The following CNTN1 variants were observed in gnomAD, a reference collection of about 807,000 sequenced individuals.
The protein encoded by CNTN1 is contactin 1.
In CNTN1, 38 loss-of-function variants were observed where a neutral mutation model predicts 126.4. That is an observed-to-expected ratio of 0.30 (90% CI 0.23 to 0.39). The LOEUF (loss-of-function observed/expected upper bound fraction) is 0.39, where lower values mean the gene tolerates loss of function less well. Ranked by LOEUF, CNTN1 falls within the 10% of genes least tolerant of loss-of-function variation. The pLI, the probability that CNTN1 is intolerant of heterozygous loss-of-function variation, is 1.00. For synonymous variants in CNTN1, 413 were observed against 422.6 expected (o/e 0.98, Z 0.28); for missense variants, 1,009 against 1,248.4 (o/e 0.81, Z 2.89).
chr12:41,042,464 G>A (rs1949437810), intron 23 of CNTN1, among the ~76,000 whole-genome samples: 3 of 151,848 alleles, frequency 2.0e-5, no homozygotes, highest in African/African-American at 2.4e-5. Flanking sequence ...TCAATTCCTG[G>A]GTATCCTTGT....
At chr12:41,024,962 C>T (rs1171703422) in intron 20 of CNTN1, among the ~76,000 whole-genome samples, 188 bp from the exon 21 acceptor site, 1 of 151,940 alleles carries the variant, frequency 6.6e-6, no homozygotes, top group Admixed American at 6.6e-5. Flanking sequence ...CTTTTGGCAT[C>T]TTTAGTCATT....
At chr12:41,017,142 T>C (rs1387591500) in intron 19 of CNTN1, among the ~76,000 whole-genome samples, 2 of 152,210 alleles carry the variant, frequency 1.3e-5, no homozygotes, top group African/African-American at 2.4e-5. Flanking sequence ...GCCCATGGTA[T>C]GAGGAAATCC....
intron 1 of CNTN1, among the ~76,000 whole-genome samples, chr12:40,740,274 T>G (rs889351714): frequency 6.6e-6 from 1 of 152,058 alleles, no homozygotes; most frequent in African/African-American, 2.4e-5. Flanking sequence ...GTGTCAATCA[T>G]TGCAAAATGC....
chr12:40,992,331 A>T (rs978708714), intron 16 of CNTN1, among the ~76,000 whole-genome samples: 1 of 152,160 alleles, frequency 6.6e-6, no homozygotes, highest in Admixed American at 6.6e-5. Context: ...TTGCCAGATA[A>T]AACTTCCCTA....
chr12:40,744,050 C>T (rs1035566597), intron 1 of CNTN1, among the ~76,000 whole-genome samples: 2 of 151,968 alleles, frequency 1.3e-5, no homozygotes, highest in African/African-American at 4.8e-5. Flanking sequence ...AACCAAACAC[C>T]ACATGTTTTC....
At chr12:40,825,696 T>C (rs950688145) in intron 1 of CNTN1, among the ~76,000 whole-genome samples, 1 of 152,176 alleles carries the variant, frequency 6.6e-6, no homozygotes, top group African/African-American at 2.4e-5. Context: ...TCCTCCATCA[T>C]TTCCATTCAA....
chr12:40,793,257 G>T (rs1177820368), intron 1 of CNTN1, among the ~76,000 whole-genome samples: 1 of 151,930 alleles, frequency 6.6e-6, no homozygotes, highest in African/African-American at 2.4e-5. Context: ...GTAACCTCAG[G>T]ATGGTATACA....
chr12:40,769,900 C>G (rs1169942768), intron 1 of CNTN1, among the ~76,000 whole-genome samples: 1 of 152,006 alleles, frequency 6.6e-6, no homozygotes, highest in Non-Finnish European at 1.5e-5. Flanking sequence ...GTGTAAATAT[C>G]TCTAACAGAA....
intron 1 of CNTN1, among the ~76,000 whole-genome samples, chr12:40,903,853 C>G (rs925244939): frequency 3.3e-5 from 5 of 152,132 alleles, no homozygotes; most frequent in African/African-American, 1.2e-4. Flanking sequence ...ATATTCAGAA[C>G]TGGAAAACAG....
At chr12:40,909,946 C>T in intron 2 of CNTN1, 127 bp from the exon 3 acceptor site, 1 of 703,838 alleles carries the variant, frequency 1.4e-6, no homozygotes, top group South Asian at 1.6e-5. Flanking sequence ...GAAGATACTT[C>T]AACCTTTATA....
At chr12:41,023,123 A>G (rs995199028) in intron 20 of CNTN1, among the ~76,000 whole-genome samples, 2 of 152,154 alleles carry the variant, frequency 1.3e-5, no homozygotes, top group African/African-American at 4.8e-5. Context: ...ATGATGGTGA[A>G]AACCAATACC....
rs144452808 is a variant in CNTN1 at position 40,962,259 on chromosome 12, G to A, written c.1804+3025G>A. Among the ~76,000 whole-genome samples, 106 of 152,174 alleles carry A rather than the reference G, an allele frequency of 7.0e-4. 2 individuals carry two copies. Among genetic ancestry groups the A allele is most frequent in the African/African-American group, 2.3e-3 (96 of 41,520 alleles). On this transcript the variant is annotated intron_variant, in intron 15 of 23. Transcript: ENST00000551295. ...TGCCCTAATCAACATGTGTGTGTGCGTGTGTGTGCATGTGTGCACGCATTT... is the reference window on the plus strand; with the variant it reads ...TGCCCTAATCAACATGTGTGTGTGCATGTGTGTGCATGTGTGCACGCATTT...
intron 1 of CNTN1, among the ~76,000 whole-genome samples, chr12:40,871,364 G>A (rs1031714776): frequency 2.0e-5 from 3 of 152,086 alleles, no homozygotes; most frequent in Non-Finnish European, 2.9e-5. Flanking sequence ...CTAGGGAGAG[G>A]AGAAGTATGG....
At chr12:40,719,795 A>T (rs11178049) in intron 1 of CNTN1, among the ~76,000 whole-genome samples, 23,263 of 152,102 alleles carry the variant, frequency 0.15, 2,472 homozygotes, top group East Asian at 0.48. Context: ...TTGTTAAAAG[A>T]TTTATCTTGG....
intron 1 of CNTN1, among the ~76,000 whole-genome samples, chr12:40,851,136 G>T (rs141957354): frequency 2.0e-4 from 31 of 152,280 alleles, no homozygotes; most frequent in African/African-American, 7.5e-4. Context: ...CCTTTGAGTA[G>T]ACTTCTGATA....
At chr12:40,851,525 A>G (rs1942714472) in intron 1 of CNTN1, among the ~76,000 whole-genome samples, 1 of 152,176 alleles carries the variant, frequency 6.6e-6, no homozygotes, top group Non-Finnish European at 1.5e-5. Context: ...CTCTGGGGTT[A>G]GTCTTGCTAG....
intron 6 of CNTN1, among the ~76,000 whole-genome samples, chr12:40,925,553 A>G (rs4638361): frequency 0.51 from 73,199 of 143,242 alleles, 19,281 homozygotes; most frequent in African/African-American, 0.66. Flanking sequence ...GTGTGTATAT[A>G]TATACACGTA....
At chr12:41,029,290 G>GTC in intron 23 of CNTN1, 71 bp downstream of exon 23, 1 of 1,542,870 alleles carries the variant, frequency 6.5e-7, no homozygotes, top group Non-Finnish European at 9.0e-7. Flanking sequence ...ATTCCCAAGG[G>GTC]TAGGGATAAG....
chr12:41,047,902 A>G (rs1031264361), intron 23 of CNTN1, among the ~76,000 whole-genome samples: 1 of 151,996 alleles, frequency 6.6e-6, no homozygotes, highest in African/African-American at 2.4e-5. Flanking sequence ...TCTGGTACTC[A>G]GACTCCCAAA....
Sources: allele counts gnomAD v4.1 joint callset (sites outside exome capture counted in the v4.1 genomes callset), GRCh38; gene constraint gnomAD v4.1.1; transcripts MANE v1.5; gene names NCBI Gene and HGNC (gene_info 2026-07-23, HGNC 2026-07-21).